Variants in CATSPER2 observed in about 807,000 individuals in gnomAD.
CATSPER2 encodes cation channel sperm associated 2.
Under a neutral mutation model 68.8 loss-of-function variants are expected in CATSPER2, and 56 were observed. The observed-to-expected ratio is 0.81, with a 90% CI of 0.66 to 1.02. The LOEUF (loss-of-function observed/expected upper bound fraction) is 1.02, where lower values mean the gene tolerates loss of function less well. Ranked by LOEUF, CATSPER2 falls within the 50% of genes least tolerant of loss-of-function variation. The pLI, the probability that CATSPER2 is intolerant of heterozygous loss-of-function variation, is 0.00. For synonymous variants in CATSPER2, 198 were observed against 229.9 expected, an observed-to-expected ratio of 0.86 and a Z score of 1.26; for missense variants, 582 against 642.0, an observed-to-expected ratio of 0.91 and a Z score of 1.01.
rs1236410537 is a variant in CATSPER2, at chr15:43,640,414, G to A, written c.471C>T (p.Phe157=). 3 of 1,613,034 alleles carry A rather than the reference G, an allele frequency of 1.9e-6. No homozygotes were observed. The highest frequency in any genetic ancestry group is 2.7e-5 in the African/African-American group (2 of 74,784). The change falls in exon 5 of 13, where the codon TTC becomes TTT. Residue 157 remains phenylalanine (F), a synonymous_variant. Transcript: ENST00000396879. ...GCCACTTAAGAAGGATCTCCAGGAT[G>A]AAAATAAGCAAGATAAACCAAGCTG... ...EVAAWFILLI[F]ILEILLKWLS...
intron 4 of CATSPER2, among the ~76,000 whole-genome samples, 166 bp from the exon 5 acceptor site, chr15:43,640,662 G>A (rs2086056884): frequency 6.6e-6 from 1 of 150,522 alleles, no homozygotes; most frequent in African/African-American, 2.4e-5. Flanking sequence ...GCTTCAACCT[G>A]TGAAATACAG....
At chr15:43,639,417 T>C in intron 6 of CATSPER2, 1 of 452,526 alleles carries the variant, frequency 2.2e-6, no homozygotes. Context: ...GCAATTTTTT[T>C]TTTTTTTTTT....
rs28418639 is a variant in CATSPER2, at chr15:43,638,290, T to C, written c.842+614A>G. Among the ~76,000 whole-genome samples, 621 of 66,798 alleles carry C rather than the reference T, an allele frequency of 9.3e-3. 5 individuals are homozygous for C. The highest frequency in any genetic ancestry group is 0.024 in the African/African-American group (197 of 8,330). The allele number at this position is 66,798 out of a possible 152,430, so 43.8% of individuals were successfully genotyped here. ...TTCTTTTCTTTTTCTTTCTTTCTTT[T>C]TTTTTTTTTTTTTTTTTGAGATGGA... On this transcript the variant is annotated intron_variant, in intron 7 of 12. Transcript: ENST00000396879.
At chr15:43,644,334 G>A (rs1373948832) in intron 4 of CATSPER2, among the ~76,000 whole-genome samples, 1 of 151,918 alleles carries the variant, frequency 6.6e-6, no homozygotes. Context: ...ACAAGAATAA[G>A]CTTAATAAAA....
At chr15:43,647,794 AG>A (rs2086197894) in intron 2 of CATSPER2, 122 bp downstream of exon 2, 5 of 1,105,864 alleles carry the variant, frequency 4.5e-6, no homozygotes, top group Non-Finnish European at 6.9e-6. Context: ...TTTATTTACA[AG>A]CCCTTGATTT....
At position 43,629,765 on chromosome 15, in the gene CATSPER2, A is replaced by G. The variant is rs893548521; in HGVS notation, c.*936T>C. 5 of 151,932 alleles carry G rather than the reference A, an allele frequency of 3.3e-5. No homozygotes were observed. The highest frequency in any genetic ancestry group is 7.3e-5 in the African/African-American group (3 of 41,370). The allele number at this position is 151,932 out of a possible 1,614,324, so 9.4% of individuals were successfully genotyped here. A position where few individuals can be genotyped will look rare whatever the true frequency, so the allele number is the denominator to read the frequency against. On this transcript the variant is annotated 3_prime_UTR_variant, in exon 13 of 13. Coordinates refer to ENST00000396879, the MANE Select transcript of CATSPER2 (RefSeq NM_172095.4). Reference sequence around the variant, plus strand: ...ACCTGTACAACACTTACTGATTTGAACACTGCCCTGAGCTATGGCAAAATG... The same window carrying G: ...ACCTGTACAACACTTACTGATTTGAGCACTGCCCTGAGCTATGGCAAAATG...
chr15:43,640,428 T>C lies in CATSPER2; in HGVS notation c.457A>G (p.Ile153Val). 2.5e-6 allele frequency: 4 copies of C among 1,613,136 alleles called. No individual in the cohort carries two copies. The highest frequency in any genetic ancestry group is 1.1e-5 in the South Asian group (1 of 91,038). Residue 153 changes from isoleucine to valine, a missense_variant, in exon 5 of 13, where the codon ATC becomes GTC. This residue lies in a region of CATSPER2 where 197 missense variants were observed against 191.0 expected (regional missense o/e 1.03). Coordinates refer to ENST00000396879, the MANE Select transcript of CATSPER2 (RefSeq NM_172095.4). Reference protein sequence around the residue: ...KLTLEVAAWFILLIFILEILL... With the variant: ...KLTLEVAAWFVLLIFILEILL... Reference sequence around the variant, plus strand: ...ATCTCCAGGATGAAAATAAGCAAGATAAACCAAGCTGCCACCTCCAAGGTC... The same window carrying C: ...ATCTCCAGGATGAAAATAAGCAAGACAAACCAAGCTGCCACCTCCAAGGTC...
Position 43,632,241 on chromosome 15 carries a change from G to C in CATSPER2, c.1519C>G (p.Gln507Glu), listed in dbSNP as rs2085885879. 1 of 1,613,496 alleles carries C rather than the reference G, an allele frequency of 6.2e-7. No homozygotes were observed. Among genetic ancestry groups the C allele is most frequent in the Non-Finnish European group, 8.5e-7 (1 of 1,179,802 alleles). The change falls in exon 12 of 13, where the codon CAG becomes GAG. Residue 507 changes from glutamine (Q) to glutamate (E), a missense_variant. This residue lies in a region of CATSPER2 where 235 missense variants were observed against 264.2 expected (regional missense o/e 0.89). Coordinates refer to ENST00000396879, the MANE Select transcript of CATSPER2 (RefSeq NM_172095.4). ...TTCTTACGTTCCTCTAGGTTATACT[G>C]AAGCTTTTCTAGCAACTCAAAATAT... ...FRYFELLEKL[Q>E]YNLEERKKLQ... is the part of the protein sequence containing the mutation.
At chr15:43,643,053 C>T (rs2086099501) in intron 4 of CATSPER2, 2 of 152,000 alleles carry the variant, frequency 1.3e-5, no homozygotes, top group African/African-American at 4.8e-5. Context: ...CAGACAGTAG[C>T]CATTTGATCA....
intron 10 of CATSPER2, chr15:43,635,136 A>G (rs1223657044): frequency 8.4e-6 from 5 of 597,666 alleles, no homozygotes; most frequent in African/African-American, 1.9e-5. Context: ...ATCTCATCTC[A>G]AGATCCTTAA....
intron 4 of CATSPER2, among the ~76,000 whole-genome samples, chr15:43,640,786 G>A (rs1170749395): frequency 6.6e-6 from 1 of 151,842 alleles, no homozygotes; most frequent in Admixed American, 6.6e-5. Context: ...GCTACTAAGA[G>A]AGTACTCTCT....
At chr15:43,644,996 T>C (rs575905515) in intron 4 of CATSPER2, among the ~76,000 whole-genome samples, 29 of 152,144 alleles carry the variant, frequency 1.9e-4, no homozygotes, top group African/African-American at 6.3e-4. Context: ...TAGTATACTG[T>C]AGTGGGTCTG....
At chr15:43,635,525 A>T in intron 9 of CATSPER2, 109 bp from the exon 10 acceptor site, 1 of 1,287,732 alleles carries the variant, frequency 7.8e-7, no homozygotes, top group Admixed American at 1.7e-5. Context: ...GGGGAGAACA[A>T]ATTGTAGTCA....
At chr15:43,634,153 T>A (rs1288222116) in intron 10 of CATSPER2, 1 of 151,964 alleles carries the variant, frequency 6.6e-6, no homozygotes, top group Non-Finnish European at 1.5e-5. Flanking sequence ...GGCATTATTG[T>A]CTATTTTGTT....
rs1595968263 is a variant in CATSPER2 at position 43,630,623 on chromosome 15, T to A, written c.*78A>T. On this transcript the variant is annotated 3_prime_UTR_variant, in exon 13 of 13. Transcript: ENST00000396879. ...AGACATTGTTCTATCTGAATGTTTA[T>A]ATTTTCAATTCTCTATTTCCAACAA... 2 of 1,608,466 alleles carry A rather than the reference T, an allele frequency of 1.2e-6. No homozygotes were observed. Among genetic ancestry groups the A allele is most frequent in the East Asian group, 2.2e-5 (1 of 44,776 alleles).
chr15:43,648,788 C>A lies in CATSPER2; in HGVS notation c.-162G>T. On this transcript the variant is annotated 5_prime_UTR_variant, in exon 1 of 13. Transcript: ENST00000396879. ...GCCCCGCTCGACCCCCAGGTTTCGG[C>A]TCACCCCGGGACCCGGCCCTAGCCC... is the stretch of plus-strand genomic sequence containing the variant. The A allele has an allele frequency of 1.3e-6, 2 of 1,530,018 alleles. No individual in the cohort carries two copies. Among genetic ancestry groups the A allele is most frequent in the Non-Finnish European group, 1.8e-6 (2 of 1,142,192 alleles). The allele number at this position is 1,530,018 out of a possible 1,614,324, so 94.8% of individuals were successfully genotyped here.
chr15:43,632,210 T>C lies in CATSPER2; in HGVS notation c.1550A>G (p.Gln517Arg). The change falls in exon 12 of 13, where the codon CAA (glutamine) becomes CGA (arginine). Residue 517 changes from glutamine (Q) to arginine (R), a missense_variant. Physicochemically the swap from Gln to Arg is conservative, Grantham distance 43. Around this residue, in one of 5 missense-constraint regions of CATSPER2, gnomAD observed 235 missense variants for 264.2 expected, o/e 0.89. Transcript: ENST00000396879. ...CCCTAACTCCATACCTGCAAACTCT[T>C]GTAACTTCTTACGTTCCTCTAGGTT... ...QYNLEERKKL[Q>R]EFAVQALMNL... 6.2e-7 allele frequency: 1 copy of C among 1,613,568 alleles called. No individual in the cohort carries two copies. The highest frequency in any genetic ancestry group is 8.5e-7 in the Non-Finnish European group (1 of 1,179,672).
rs996720457 is a variant in CATSPER2, at chr15:43,648,643, T to A, written c.-17A>T. 1 of 1,399,116 alleles carries A rather than the reference T, an allele frequency of 7.1e-7. No individual in the cohort carries two copies. Among genetic ancestry groups the A allele is most frequent in the African/African-American group, 1.5e-5 (1 of 66,654 alleles). The allele number at this position is 1,399,116 out of a possible 1,614,324, so 86.7% of individuals were successfully genotyped here. ...CTGGGCCTCACCTCAGCCCAGGTTC[T>A]CTTTGCCCACTCAGTCCTTATTTCA... On this transcript the variant is annotated 5_prime_UTR_variant, in exon 1 of 13. Transcript: ENST00000396879.
intron 4 of CATSPER2, among the ~76,000 whole-genome samples, chr15:43,643,652 G>A (rs1246557994): frequency 6.6e-6 from 1 of 151,852 alleles, no homozygotes; most frequent in Non-Finnish European, 1.5e-5. Flanking sequence ...ACAATTTCAT[G>A]AAGAGCATTA....
Sources: allele counts gnomAD v4.1 joint callset (sites outside exome capture counted in the v4.1 genomes callset), GRCh38; gene constraint gnomAD v4.1.1; regional missense constraint gnomAD v4.1.1; transcripts MANE v1.5; gene names NCBI Gene and HGNC (gene_info 2026-07-23, HGNC 2026-07-21).